The following ARID4B variants were observed in gnomAD, a reference collection of about 807,000 sequenced individuals.
ARID4B encodes AT-rich interactive domain-containing protein 4B.
In ARID4B, 26 loss-of-function variants were observed where a neutral mutation model predicts 147.5. The ratio of observed to expected loss-of-function variants is 0.18; its 90% CI spans 0.13 to 0.24. The LOEUF (loss-of-function observed/expected upper bound fraction) is 0.24, where lower values mean the gene tolerates loss of function less well. Ranked by LOEUF, ARID4B falls within the 10% of genes least tolerant of loss-of-function variation. ARID4B has a pLI of 1.00. For missense variants in ARID4B, 1,179 were observed against 1,511.5 expected (o/e 0.78, Z 3.65); for synonymous variants, 512 against 507.9 (o/e 1.01, Z -0.11).
chr1:235,302,153 GAAAAAAAAAAAA>G (rs749154889), intron 2 of ARID4B, among the ~76,000 whole-genome samples: 1 of 30,666 alleles, frequency 3.3e-5, no homozygotes, highest in African/African-American at 1.3e-4. Context: ...TCAAAAAACG[GAAAAAAAAAAAA>G]AAAAAAAAAA....
chr1:235,322,719 C>T (rs947554026), intron 2 of ARID4B, among the ~76,000 whole-genome samples: 3 of 152,124 alleles, frequency 2.0e-5, no homozygotes, highest in African/African-American at 4.8e-5. Context: ...GGTCAGATGC[C>T]TCACCCACCT....
At position 235,207,537 on chromosome 1, in the gene ARID4B, A is replaced by G. The variant is rs563537048; in HGVS notation, c.1841+6232T>C. 7.2e-5 allele frequency among the ~76,000 whole-genome samples: 11 copies of G among 152,354 alleles called. No individual in the cohort carries two copies. The South Asian group carries it at 1.9e-3, about 26-fold the overall frequency. Reference sequence around the variant, plus strand: ...AATAATGCCAGGGAATGTAAGCAATATCAAGGGAAGACTGAGTGCATTAAC... The same window carrying G: ...AATAATGCCAGGGAATGTAAGCAATGTCAAGGGAAGACTGAGTGCATTAAC... On this transcript the variant is annotated intron_variant, in intron 17 of 23. Coordinates refer to ENST00000264183, the MANE Select transcript of ARID4B (RefSeq NM_016374.6).
chr1:235,229,038 C>T, intron 11 of ARID4B, 193 bp downstream of exon 11: 1 of 613,636 alleles, frequency 1.6e-6, no homozygotes, highest in South Asian at 2.7e-5. Context: ...TTAATATTTT[C>T]TATTTCACAA....
chr1:235,255,291 A>C (rs956168285), intron 5 of ARID4B, among the ~76,000 whole-genome samples: 319 of 148,254 alleles, frequency 2.2e-3, no homozygotes, highest in Non-Finnish European at 3.5e-3. Context: ...CTCTCTCTAT[A>C]TATATATATA....
chr1:235,233,804 G>A (rs1035143337), intron 9 of ARID4B, among the ~76,000 whole-genome samples: 3 of 152,262 alleles, frequency 2.0e-5, no homozygotes, highest in East Asian at 1.9e-4. Flanking sequence ...TCAATAGGCC[G>A]GGCGCGATGG....
chr1:235,226,615 G>A (rs1024599256), intron 11 of ARID4B, among the ~76,000 whole-genome samples: 3 of 151,940 alleles, frequency 2.0e-5, no homozygotes, highest in East Asian at 1.9e-4. Context: ...TCCGCCTCCC[G>A]GGTTGACACC....
intron 5 of ARID4B, among the ~76,000 whole-genome samples, chr1:235,255,263 A>ATGTATCTATCTATC (rs746915541): frequency 1.1e-5 from 1 of 90,742 alleles, no homozygotes; most frequent in Non-Finnish European, 2.4e-5. Context: ...AGATAGATAG[A>ATGTATCTATCTATC]TATATATCTC....
chr1:235,266,395 G>A (rs1670612969), intron 2 of ARID4B, among the ~76,000 whole-genome samples: 1 of 152,062 alleles, frequency 6.6e-6, no homozygotes, highest in Non-Finnish European at 1.5e-5. Context: ...GATCATCTCA[G>A]AGGCTAAAAT....
chr1:235,181,943 G>C lies in ARID4B; in HGVS notation c.2976C>G (p.Val992=). 2.5e-6 allele frequency: 4 copies of C among 1,613,868 alleles called. No homozygotes were observed. The highest frequency in any genetic ancestry group is 3.4e-6 in the Non-Finnish European group (4 of 1,179,988). ...TTTTTTCTTCAATGGGTTTACTATC[G>C]ACATTGACTGGAGGTGGTTTTTCTA... ...VELEKPPPVN[V]DSKPIEEKTV... Residue 992 remains valine, a synonymous_variant, in exon 20 of 24, where the codon GTC becomes GTG. Coordinates refer to ENST00000264183, the MANE Select transcript of ARID4B (RefSeq NM_016374.6).
chr1:235,207,752 C>T (rs1666412575), intron 17 of ARID4B, among the ~76,000 whole-genome samples: 1 of 152,040 alleles, frequency 6.6e-6, no homozygotes, highest in African/African-American at 2.4e-5. Flanking sequence ...TGAATGATGG[C>T]AAAAAATAGG....
intron 20 of ARID4B, chr1:235,181,292 TA>T: frequency 1.8e-6 from 1 of 560,276 alleles, no homozygotes; most frequent in Non-Finnish European, 2.7e-6. Context: ...CCACTGCATA[TA>T]ATGAATTCTC....
At chr1:235,215,590 T>C (rs1667021089) in intron 16 of ARID4B, among the ~76,000 whole-genome samples, 1 of 150,310 alleles carries the variant, frequency 6.7e-6, no homozygotes, top group Non-Finnish European at 1.5e-5. Flanking sequence ...TATATATTTT[T>C]CCCCCCCTTG....
intron 19 of ARID4B, among the ~76,000 whole-genome samples, chr1:235,185,377 C>T (rs1445207974): frequency 6.6e-6 from 1 of 152,132 alleles, no homozygotes; most frequent in African/African-American, 2.4e-5. Flanking sequence ...ATCTCTTTTA[C>T]ATTATTTTAT....
At chr1:235,197,239 C>G (rs1665568798) in intron 17 of ARID4B, among the ~76,000 whole-genome samples, 1 of 152,048 alleles carries the variant, frequency 6.6e-6, no homozygotes, top group Non-Finnish European at 1.5e-5. Flanking sequence ...AAGTTATATA[C>G]ATTACTCATA....
intron 2 of ARID4B, among the ~76,000 whole-genome samples, chr1:235,312,158 C>T (rs1470507995): frequency 6.6e-6 from 1 of 151,496 alleles, no homozygotes; most frequent in Non-Finnish European, 1.5e-5. Flanking sequence ...TGGTGGCGCG[C>T]ACCTGTAGTT....
intron 2 of ARID4B, among the ~76,000 whole-genome samples, chr1:235,267,259 C>G (rs1670664568): frequency 6.6e-6 from 1 of 152,084 alleles, no homozygotes; most frequent in Non-Finnish European, 1.5e-5. Context: ...GCCGGGTTGA[C>G]AGAGCAAGGC....
intron 23 of ARID4B, among the ~76,000 whole-genome samples, chr1:235,171,018 C>T (rs542681240): frequency 1.3e-5 from 2 of 150,936 alleles, no homozygotes; most frequent in Admixed American, 6.6e-5. Flanking sequence ...CATATCAGTA[C>T]ATACAGATCC....
chr1:235,247,571 C>T (rs1669376750), intron 6 of ARID4B, among the ~76,000 whole-genome samples: 1 of 152,088 alleles, frequency 6.6e-6, no homozygotes, highest in Non-Finnish European at 1.5e-5. Flanking sequence ...AAGATTGATT[C>T]CTTCAAAAGA....
intron 19 of ARID4B, among the ~76,000 whole-genome samples, chr1:235,193,499 A>C (rs187349260): frequency 1.3e-3 from 191 of 152,358 alleles, no homozygotes; most frequent in African/African-American, 4.4e-3. Context: ...TGTATAACAC[A>C]AACTATGCAT....
Sources: allele counts gnomAD v4.1 joint callset (sites outside exome capture counted in the v4.1 genomes callset), GRCh38; gene constraint gnomAD v4.1.1; transcripts MANE v1.5; gene names NCBI Gene and HGNC (gene_info 2026-07-23, HGNC 2026-07-21).